CCDC18: variants seen among roughly 807,000 people sequenced by gnomAD.
The protein encoded by CCDC18 is coiled-coil domain-containing protein 18.
Under a neutral mutation model 196.0 loss-of-function variants are expected in CCDC18, and 157 were observed. That is an observed-to-expected ratio of 0.80 (90% confidence interval 0.70 to 0.91). CCDC18 has a LOEUF of 0.91. CCDC18 is among the 40% of genes least tolerant of loss of function. The pLI is 0.00. For missense variants in CCDC18, 1,465 were observed against 1,611.6 expected, an observed-to-expected ratio of 0.91 and a Z score of 1.56; for synonymous variants, 482 against 529.2, an observed-to-expected ratio of 0.91 and a Z score of 1.22.
intron 18 of CCDC18, among the ~76,000 whole-genome samples, chr1:93,235,871 A>C (rs1660003501): frequency 6.6e-6 from 1 of 152,190 alleles, no homozygotes; most frequent in Non-Finnish European, 1.5e-5. Flanking sequence ...GCAAATGCAA[A>C]TTAGCATTTG....
intron 4 of CCDC18, chr1:93,190,837 G>T (rs1445324049): frequency 1.1e-5 from 8 of 722,130 alleles, no homozygotes; most frequent in Non-Finnish European, 2.0e-5. Context: ...TCTGCAGTTG[G>T]GCTCAGTGCA....
chr1:93,202,194 A>G (rs1234777666), intron 7 of CCDC18, among the ~76,000 whole-genome samples: 2 of 152,206 alleles, frequency 1.3e-5, no homozygotes, highest in Non-Finnish European at 2.9e-5. Flanking sequence ...TTTTTATCCA[A>G]AGAGGGAAAA....
chr1:93,230,015 A>T (rs1045820469), intron 17 of CCDC18, among the ~76,000 whole-genome samples: 4 of 151,838 alleles, frequency 2.6e-5, no homozygotes, highest in Non-Finnish European at 4.4e-5. Context: ...TTTATTTTTA[A>T]GCAACAATTA....
At chr1:93,238,484 G>A (rs1660338537) in intron 19 of CCDC18, among the ~76,000 whole-genome samples, 1 of 116,784 alleles carries the variant, frequency 8.6e-6, no homozygotes, top group Non-Finnish European at 1.9e-5. Flanking sequence ...ATCCAAATTT[G>A]TTGAAGTTTT....
chr1:93,252,207 A>T (rs1458476929), intron 23 of CCDC18, among the ~76,000 whole-genome samples: 1 of 151,250 alleles, frequency 6.6e-6, no homozygotes, highest in Admixed American at 6.6e-5. Flanking sequence ...CTGGCTAATT[A>T]AAAAAAAATT....
rs1327534969 is a variant in CCDC18, at chr1:93,214,780, C to A, written c.1533C>A (p.Asn511Lys). The A allele has an allele frequency of 6.2e-7, 1 of 1,612,466 alleles. No homozygotes were observed. The highest frequency in any genetic ancestry group is 2.2e-5 in the East Asian group (1 of 44,762). ...SVKDQNQHTM[N>K]KQYEKERQRL... The stretch of plus-strand genomic sequence containing the variant: ...AAGATCAAAATCAACATACTATGAA[C>A]AAGCAATATGAAAAAGAGAGGCAAA... The change falls in exon 12 of 29, where the codon AAC (asparagine) becomes AAA (lysine). Residue 511 changes from asparagine to lysine, a missense_variant. Transcript: ENST00000690025.
chr1:93,230,484 T>C (rs1659075837), intron 17 of CCDC18, among the ~76,000 whole-genome samples: 1 of 148,778 alleles, frequency 6.7e-6, no homozygotes, highest in Admixed American at 6.7e-5. Context: ...AAAGGAAGAC[T>C]CCATCTCAAA....
chr1:93,271,286 A>G (rs2101550023), intron 28 of CCDC18: 1 of 985,420 alleles, frequency 1.0e-6, no homozygotes, highest in Non-Finnish European at 1.2e-6. Flanking sequence ...ATTATTTAAA[A>G]GCATGAATAA....
Position 93,216,735 on chromosome 1 carries a change from C to T in CCDC18, c.1819C>T (p.Gln607Ter), listed in dbSNP as rs906238279. The part of the protein sequence containing the change: ...SIAAKNAELE[Q>*]ELMEKNEKIR... Reference sequence around the variant, plus strand: ...TGCTGCAAAAAATGCAGAACTAGAACAGGAGCTTATGGTAAAACTTATCTT... The same window carrying T: ...TGCTGCAAAAAATGCAGAACTAGAATAGGAGCTTATGGTAAAACTTATCTT... The change falls in exon 13 of 29, where the codon CAG (glutamine) becomes TAG (stop). Residue 607 changes from glutamine (Q) to a stop codon, truncating the protein, a stop_gained. Coordinates refer to ENST00000690025, the MANE Select transcript of CCDC18 (RefSeq NM_001378204.1). LOFTEE classifies it high-confidence loss of function. 1 of 1,539,884 alleles carries T rather than the reference C, an allele frequency of 6.5e-7. No individual in the cohort carries two copies. The highest frequency in any genetic ancestry group is 2.3e-5 in the East Asian group (1 of 43,130).
intron 16 of CCDC18, 33 bp downstream of exon 16, chr1:93,221,969 T>G (rs12038046): frequency 0.096 from 133,355 of 1,391,118 alleles, 8,828 homozygotes; most frequent in East Asian, 0.28. Flanking sequence ...TTTCTTTCTT[T>G]CCTTTTTTTT....
In CCDC18 at chr1:93,180,839, C is replaced by T. The variant is rs761962624; in HGVS notation, c.-16C>T. 2 of 1,367,566 alleles carry T rather than the reference C, an allele frequency of 1.5e-6. No homozygotes were observed. Among genetic ancestry groups the T allele is most frequent in the African/African-American group, 1.5e-5 (1 of 67,838 alleles). The allele number at this position is 1,367,566 out of a possible 1,614,324, so 84.7% of individuals were successfully genotyped here. ...TCCTAACGCAGACTCGAGTGCGAAG[C>T]GCGCAGTCGCCGGGTGGGTCTCTCC... On this transcript the variant is annotated 5_prime_UTR_variant, in exon 1 of 29. Coordinates refer to ENST00000690025, the MANE Select transcript of CCDC18 (RefSeq NM_001378204.1).
chr1:93,259,992 C>T (rs890967906), intron 26 of CCDC18, among the ~76,000 whole-genome samples: 2 of 152,156 alleles, frequency 1.3e-5, no homozygotes, highest in Admixed American at 1.3e-4. Context: ...GTATTGCTAT[C>T]TTTTTAAAAA....
At chr1:93,254,171 A>G (rs772225397) in intron 23 of CCDC18, among the ~76,000 whole-genome samples, 2 of 152,118 alleles carry the variant, frequency 1.3e-5, no homozygotes, top group Admixed American at 6.6e-5. Flanking sequence ...TTAAATTTCA[A>G]TCGCTTTTGG....
At chr1:93,193,915 T>G (rs1652278806) in intron 6 of CCDC18, among the ~76,000 whole-genome samples, 171 bp downstream of exon 6, 1 of 152,112 alleles carries the variant, frequency 6.6e-6, no homozygotes, top group Admixed American at 6.5e-5. Flanking sequence ...TTAAAATGTT[T>G]ATATGTGGAA....
rs371444037 is a variant in CCDC18, at chr1:93,241,489, C to T, written c.2981+1593C>T. Among the ~76,000 whole-genome samples the T allele has an allele frequency of 7.8e-4, 118 of 151,832 alleles. 1 individual carries two copies. Among genetic ancestry groups the T allele is most frequent in the East Asian group, 6.8e-3 (35 of 5,148 alleles). ...CTGTAATCCCAACACTTTGGGAGGC[C>T]GAGACAAGCAGATCACAAGGTCAGG... On this transcript the variant is annotated intron_variant, in intron 21 of 28. Coordinates refer to ENST00000690025, the MANE Select transcript of CCDC18 (RefSeq NM_001378204.1).
At chr1:93,246,602 T>C (rs1661526283) in intron 22 of CCDC18, among the ~76,000 whole-genome samples, 1 of 152,186 alleles carries the variant, frequency 6.6e-6, no homozygotes, top group African/African-American at 2.4e-5. Flanking sequence ...AATGTCACTA[T>C]GTATTGTTAA....
At position 93,221,661 on chromosome 1, in the gene CCDC18, CTA is replaced by C; in HGVS notation, c.2017_2018del (p.Met673ValfsTer15). ...CAACAATTTAAAGAACAAGAAAAGA[CTA>C]TGTCCATGTTGCAACAAGATATAAT... is the stretch of plus-strand genomic sequence containing the variant. On this transcript the variant is annotated frameshift_variant, in exon 15 of 29. Coordinates refer to ENST00000690025, the MANE Select transcript of CCDC18 (RefSeq NM_001378204.1). LOFTEE classifies it high-confidence loss of function. 1.3e-6 allele frequency: 2 copies of C among 1,588,474 alleles called. No individual in the cohort carries two copies. The highest frequency in any genetic ancestry group is 8.5e-7 in the Non-Finnish European group (1 of 1,172,064).
intron 23 of CCDC18, among the ~76,000 whole-genome samples, chr1:93,249,591 C>G (rs573850407): frequency 6.6e-5 from 10 of 152,254 alleles, no homozygotes; most frequent in African/African-American, 2.2e-4. Context: ...CTATGTTGCT[C>G]AGGCTCACAT....
At chr1:93,252,005 C>G (rs1453869705) in intron 23 of CCDC18, among the ~76,000 whole-genome samples, 2 of 137,524 alleles carry the variant, frequency 1.5e-5, no homozygotes, top group Non-Finnish European at 3.0e-5. Context: ...GTCTATTTAT[C>G]TATCTATCTG....
Sources: allele counts gnomAD v4.1 joint callset (sites outside exome capture counted in the v4.1 genomes callset), GRCh38; gene constraint gnomAD v4.1.1; transcripts MANE v1.5; gene names NCBI Gene and HGNC (gene_info 2026-07-23, HGNC 2026-07-21).